The following SORCS1 variants were observed in gnomAD, a reference collection of about 807,000 sequenced individuals.
SORCS1 encodes the protein sortilin related VPS10 domain containing receptor 1.
A neutral mutation model predicts 146.1 loss-of-function variants in SORCS1; 60 were observed. The ratio of observed to expected loss-of-function variants is 0.41; its 90% confidence interval spans 0.33 to 0.51. The LOEUF is 0.51. Ranked by LOEUF, SORCS1 falls within the 20% of genes least tolerant of loss-of-function variation. The pLI is 0.21. For missense variants in SORCS1, 1,352 were observed against 1,487.6 expected, an observed-to-expected ratio of 0.91 and a Z score of 1.50; for synonymous variants, 637 against 584.0, an observed-to-expected ratio of 1.09 and a Z score of -1.31.
chr10:106,721,108 T>C (rs1436346110), intron 6 of SORCS1, among the ~76,000 whole-genome samples: 1 of 151,996 alleles, frequency 6.6e-6, no homozygotes, highest in Admixed American at 6.6e-5. Context: ...AGATTCTGGC[T>C]ATACTAGCTA....
intron 1 of SORCS1, among the ~76,000 whole-genome samples, chr10:107,054,728 G>A (rs1960436517): frequency 6.6e-6 from 1 of 152,150 alleles, no homozygotes; most frequent in Non-Finnish European, 1.5e-5. Context: ...GCAAACCACA[G>A]GGCATGAGCT....
rs114775687 is a variant in SORCS1 at position 106,664,183 on chromosome 10, A to G, written c.2303+3506T>C. 5.2e-3 allele frequency among the ~76,000 whole-genome samples: 785 copies of G among 152,366 alleles called. 12 individuals carry two copies. Among genetic ancestry groups the G allele is most frequent in the African/African-American group, 0.018 (760 of 41,582 alleles). ...TGTTGTAATTTCGTGACTACTAAACATAACAACTGCATTGACCAACATTTA... is the reference window on the plus strand; with the variant it reads ...TGTTGTAATTTCGTGACTACTAAACGTAACAACTGCATTGACCAACATTTA... On this transcript the variant is annotated intron_variant, in intron 17 of 25. Transcript: ENST00000263054.
intron 5 of SORCS1, among the ~76,000 whole-genome samples, chr10:106,751,115 G>A (rs1020399455): frequency 2.8e-5 from 4 of 144,800 alleles, no homozygotes; most frequent in African/African-American, 7.7e-5. Flanking sequence ...GTGCAAAAGC[G>A]TTAGCAAGCA....
At chr10:106,674,933 T>C in intron 14 of SORCS1, 116 bp downstream of exon 14, 1 of 752,094 alleles carries the variant, frequency 1.3e-6, no homozygotes, top group African/African-American at 1.8e-5. Flanking sequence ...ACTCTTGCAG[T>C]AAGATGCAAC....
intron 1 of SORCS1, among the ~76,000 whole-genome samples, chr10:107,064,006 A>C (rs1282585168): frequency 3.9e-5 from 6 of 152,192 alleles, no homozygotes; most frequent in Non-Finnish European, 5.9e-5. Flanking sequence ...ATTGAGTCGA[A>C]AGACATTAAC....
At chr10:106,909,265 T>A (rs754987279) in intron 2 of SORCS1, among the ~76,000 whole-genome samples, 5 of 152,248 alleles carry the variant, frequency 3.3e-5, no homozygotes, top group Non-Finnish European at 5.9e-5. Flanking sequence ...ATTGCTCTCA[T>A]GCTGAGGACC....
chr10:106,735,146 C>A (rs149811104), intron 5 of SORCS1, among the ~76,000 whole-genome samples: 352 of 128,622 alleles, frequency 2.7e-3, no homozygotes, highest in Admixed American at 3.1e-3. Context: ...GACTCCATCT[C>A]AAAAAAAAAA....
rs142238631 is a variant in SORCS1 at position 107,014,272 on chromosome 10, AG to A, written c.559-57693del. 8.2e-4 allele frequency among the ~76,000 whole-genome samples: 111 copies of A among 135,200 alleles called. 4 individuals carry two copies. The highest frequency in any genetic ancestry group is 2.1e-3 in the African/African-American group (63 of 30,694). The allele number at this position is 135,200 out of a possible 152,430, so 88.7% of individuals were successfully genotyped here. On this transcript the variant is annotated intron_variant, in intron 1 of 25. Transcript: ENST00000263054. ...CTGCGTCAAAAAAAAAAAAAAAAAA[AG>A]AAAAGAAAAAAAGAGAGAGAGAGAG...
intron 6 of SORCS1, among the ~76,000 whole-genome samples, chr10:106,717,607 C>T (rs1855470811): frequency 6.6e-6 from 1 of 152,152 alleles, no homozygotes; most frequent in Non-Finnish European, 1.5e-5. Flanking sequence ...ATGACTACTA[C>T]AGGGAAAATT....
chr10:107,033,337 A>G, intron 1 of SORCS1, among the ~76,000 whole-genome samples: 1 of 152,124 alleles, frequency 6.6e-6, no homozygotes. Context: ...ACTCGAAATG[A>G]GATTTGAGTG....
Position 107,003,035 on chromosome 10 carries a change from C to G in SORCS1, c.559-46455G>C, listed in dbSNP as rs1248165732. 5.9e-5 allele frequency among the ~76,000 whole-genome samples: 9 copies of G among 152,278 alleles called. 2 individuals carry two copies. Among genetic ancestry groups the G allele is most frequent in the Admixed American group, 5.9e-4 (9 of 15,304 alleles). ...CTTTGGGAGGCCAAGGCAGGTGGATCACCTGCGGTCAGGAGGTCGAGACCA... is the reference window on the plus strand; with the variant it reads ...CTTTGGGAGGCCAAGGCAGGTGGATGACCTGCGGTCAGGAGGTCGAGACCA... On this transcript the variant is annotated intron_variant, in intron 1 of 25. Transcript: ENST00000263054.
chr10:106,804,699 T>C (rs1172451011), intron 3 of SORCS1, among the ~76,000 whole-genome samples: 1 of 152,164 alleles, frequency 6.6e-6, no homozygotes, highest in Non-Finnish European at 1.5e-5. Context: ...GGAAATCCAC[T>C]TAAATAGACT....
chr10:106,728,314 A>ATT (rs75537005), intron 6 of SORCS1, among the ~76,000 whole-genome samples: 2 of 151,952 alleles, frequency 1.3e-5, no homozygotes, highest in African/African-American at 2.4e-5. Context: ...GAAAATATTG[A>ATT]TCTGTTATGT....
chr10:106,638,277 A>T (rs1461098779), intron 18 of SORCS1, among the ~76,000 whole-genome samples: 1 of 152,214 alleles, frequency 6.6e-6, no homozygotes, highest in Non-Finnish European at 1.5e-5. Context: ...TAATTAGAAC[A>T]AAACTATATA....
chr10:106,692,459 C>T (rs1259784453), intron 9 of SORCS1, among the ~76,000 whole-genome samples: 2 of 151,996 alleles, frequency 1.3e-5, no homozygotes, highest in African/African-American at 2.4e-5. Flanking sequence ...GGAGAAGATG[C>T]GAGGAGGAGA....
chr10:107,105,137 T>C (rs1272692743), intron 1 of SORCS1, among the ~76,000 whole-genome samples: 1 of 152,216 alleles, frequency 6.6e-6, no homozygotes, highest in African/African-American at 2.4e-5. Context: ...AATAACTGTG[T>C]TTAGCACTTA....
At chr10:106,803,569 T>C (rs969138496) in intron 3 of SORCS1, among the ~76,000 whole-genome samples, 1 of 152,196 alleles carries the variant, frequency 6.6e-6, no homozygotes, top group East Asian at 1.9e-4. Flanking sequence ...TGGGTACTGG[T>C]CATACTCAGT....
intron 9 of SORCS1, among the ~76,000 whole-genome samples, chr10:106,690,863 T>C (rs1367220155): frequency 6.6e-6 from 1 of 152,178 alleles, no homozygotes; most frequent in East Asian, 1.9e-4. Context: ...GAGAAATCCG[T>C]CTTTCTGTGT....
rs146508922 is a variant in SORCS1, at chr10:106,644,371, T to A, written c.2475+8011A>T. ...TATTACCATGAATAATAATAATAAT[T>A]ATTATTATTATTGAGACGGAGTCTA... On this transcript the variant is annotated intron_variant, in intron 18 of 25. Transcript: ENST00000263054. Among the ~76,000 whole-genome samples, 545 of 151,604 alleles carry A rather than the reference T, an allele frequency of 3.6e-3. 2 individuals are homozygous for A. Among genetic ancestry groups the A allele is most frequent in the African/African-American group, 0.011 (469 of 41,296 alleles).
Sources: allele counts gnomAD v4.1 joint callset (sites outside exome capture counted in the v4.1 genomes callset), GRCh38; gene constraint gnomAD v4.1.1; transcripts MANE v1.5; gene names NCBI Gene and HGNC (gene_info 2026-07-23, HGNC 2026-07-21).